ANKRD36C: variants seen among roughly 807,000 people sequenced by gnomAD.
ANKRD36C encodes ankyrin repeat domain 36C.
Under a neutral mutation model 276.4 loss-of-function variants are expected in ANKRD36C, and 61 were observed. That is an observed-to-expected ratio of 0.22 (90% confidence interval 0.18 to 0.27). The LOEUF is 0.27. Ranked by LOEUF, ANKRD36C falls within the 10% of genes least tolerant of loss-of-function variation. The pLI, the probability that ANKRD36C is intolerant of heterozygous loss-of-function variation, is 1.00. For missense variants in ANKRD36C, 1,447 were observed against 2,032.3 expected, an observed-to-expected ratio of 0.71 and a Z score of 5.54; for synonymous variants, 483 against 680.1, an observed-to-expected ratio of 0.71 and a Z score of 4.51.
intron 3 of ANKRD36C, among the ~76,000 whole-genome samples, chr2:95,986,104 T>C (rs2104543647): frequency 6.6e-6 from 1 of 152,286 alleles, no homozygotes; most frequent in Non-Finnish European, 1.5e-5. Flanking sequence ...AAAGTAAGAA[T>C]AATCATCCCC....
At chr2:95,916,158 T>C (rs1377425940) in exon 37 of ANKRD36C, 1 of 1,605,316 alleles carries the variant, frequency 6.2e-7, no homozygotes, top group South Asian at 1.1e-5. Context: ...AGGCTGGTTT[T>C]TTCCGAGAAG....
intron 32 of ANKRD36C, among the ~76,000 whole-genome samples, 181 bp downstream of exon 32, chr2:95,923,314 G>A (rs1289051715): frequency 6.6e-6 from 1 of 151,426 alleles, no homozygotes; most frequent in African/African-American, 2.4e-5. Context: ...ATCTTACCGC[G>A]AAGATCATGT....
At chr2:95,896,493 A>AT (rs1330046272) in intron 44 of ANKRD36C, among the ~76,000 whole-genome samples, 1 of 149,866 alleles carries the variant, frequency 6.7e-6, no homozygotes, top group Non-Finnish European at 1.5e-5. Context: ...TTAAATAGCT[A>AT]TTTTATCCAA....
chr2:95,891,993 G>A, intron 44 of ANKRD36C, 133 bp from the exon 65 acceptor site: 1 of 1,435,734 alleles, frequency 7.0e-7, no homozygotes, highest in South Asian at 1.2e-5. Flanking sequence ...TCTACTTTGT[G>A]TCTGAGGACT....
intron 34 of ANKRD36C, among the ~76,000 whole-genome samples, chr2:95,919,263 A>C (rs1473466288): frequency 1.5e-5 from 2 of 133,678 alleles, no homozygotes; most frequent in African/African-American, 5.1e-5. Context: ...CTGACAATCC[A>C]TCATCCTTGG....
At chr2:95,874,610 T>C (rs1432825357) in intron 59 of ANKRD36C, among the ~76,000 whole-genome samples, 1 of 152,218 alleles carries the variant, frequency 6.6e-6, no homozygotes, top group African/African-American at 2.4e-5. Flanking sequence ...ATTCAGGACA[T>C]AGGCATGGGC....
At position 95,928,257 on chromosome 2, in the gene ANKRD36C, T is replaced by G. The variant is rs139453071; in HGVS notation, c.1837+815A>C. Among the ~76,000 whole-genome samples, 273 of 151,756 alleles carry G rather than the reference T, an allele frequency of 1.8e-3. 3 individuals are homozygous for G. The highest frequency in any genetic ancestry group is 0.017 in the Middle Eastern group (5 of 294). Reference sequence around the variant, plus strand: ...TTCTAAAATAGCCTTGTTGGAAGTATCATGTTAGTCTCTAAGGAAGTTTCA... The same window carrying G: ...TTCTAAAATAGCCTTGTTGGAAGTAGCATGTTAGTCTCTAAGGAAGTTTCA... On this transcript the variant is annotated intron_variant, in intron 26 of 66. Transcript: ENST00000456556.
intron 34 of ANKRD36C, among the ~76,000 whole-genome samples, chr2:95,918,368 T>C (rs570969092): frequency 4.7e-4 from 71 of 151,764 alleles, no homozygotes; most frequent in African/African-American, 1.4e-3. Context: ...AACTCATACA[T>C]GTGAGAATCA....
intron 40 of ANKRD36C, among the ~76,000 whole-genome samples, chr2:95,913,146 T>C (rs1676985378): frequency 6.7e-6 from 1 of 149,626 alleles, no homozygotes; most frequent in African/African-American, 2.5e-5. Flanking sequence ...AATTATCAAC[T>C]TTGACATGCT....
chr2:95,895,887 T>C (rs1676533183), intron 44 of ANKRD36C, among the ~76,000 whole-genome samples: 1 of 150,984 alleles, frequency 6.6e-6, no homozygotes, highest in Admixed American at 6.6e-5. Context: ...AGGACAAATG[T>C]GATCTGAAAA....
rs1182366718 is a variant in ANKRD36C at position 95,851,850 on chromosome 2, T to C, written c.5220-63A>G. On this transcript the variant is annotated intron_variant, in intron 65 of 66. Coordinates refer to ENST00000456556, the Ensembl canonical transcript of ANKRD36C. Reference sequence around the variant, plus strand: ...AATTGTTTTTAAATCATGTAAATTCTAAACAAACTTCTGAAGGTATAATTA... The same window carrying C: ...AATTGTTTTTAAATCATGTAAATTCCAAACAAACTTCTGAAGGTATAATTA... The C allele has an allele frequency of 4.8e-6, 7 of 1,462,348 alleles. No homozygotes were observed. In the African/African-American group the frequency reaches 8.6e-5, roughly 18 times the overall value. The allele number at this position is 1,462,348 out of a possible 1,614,324, so 90.6% of individuals were successfully genotyped here.
chr2:95,887,833 G>C, intron 50 of ANKRD36C, 92 bp downstream of exon 70: 1 of 1,471,742 alleles, frequency 6.8e-7, no homozygotes, highest in South Asian at 1.2e-5. Flanking sequence ...AGAATGTGCA[G>C]TTTTGATGAG....
chr2:95,965,345 G>A (rs537162813), intron 6 of ANKRD36C, among the ~76,000 whole-genome samples: 2 of 152,104 alleles, frequency 1.3e-5, no homozygotes, highest in East Asian at 3.9e-4. Context: ...GATCAACAAA[G>A]GGGTTCTAAA....
rs145477016 is a variant in ANKRD36C at position 95,908,319 on chromosome 2, G to A, written c.2653+3925C>T. ...AATATGGGGAAGTGTATAATCTTACGGCGAAGATCATGTTCCAGACCAGCA... is the reference window on the plus strand; with the variant it reads ...AATATGGGGAAGTGTATAATCTTACAGCGAAGATCATGTTCCAGACCAGCA... On this transcript the variant is annotated intron_variant, in intron 42 of 66. Coordinates refer to ENST00000456556, the Ensembl canonical transcript of ANKRD36C. Among the ~76,000 whole-genome samples, 42 of 150,566 alleles carry A rather than the reference G, an allele frequency of 2.8e-4. 1 individual carries two copies. Among genetic ancestry groups the A allele is most frequent in the South Asian group, 4.2e-4 (2 of 4,730 alleles).
chr2:95,940,023 T>C (rs1677830698), intron 20 of ANKRD36C, among the ~76,000 whole-genome samples: 1 of 152,308 alleles, frequency 6.6e-6, no homozygotes, highest in Admixed American at 6.5e-5. Flanking sequence ...ATCAACTTTC[T>C]TTTTTTTATT....
exon 62 of ANKRD36C, chr2:95,857,447 C>A (rs1300746146): frequency 1.9e-6 from 3 of 1,585,444 alleles, no homozygotes; most frequent in African/African-American, 1.3e-5. Context: ...TTTGGTGCAA[C>A]TCTTCAACAT....
chr2:95,884,104 T>C, intron 54 of ANKRD36C, 69 bp downstream of exon 74: 1 of 1,505,394 alleles, frequency 6.6e-7, no homozygotes, highest in Non-Finnish European at 9.1e-7. Flanking sequence ...CCTCCGTTGA[T>C]TTATTTGGGA....
At chr2:95,912,166 GC>G in intron 42 of ANKRD36C, 77 bp downstream of exon 44, 2 of 1,519,694 alleles carry the variant, frequency 1.3e-6, no homozygotes. Flanking sequence ...GCTTCGACCA[GC>G]CCCCCACTGA....
chr2:95,885,981 T>G (rs1676192227), intron 52 of ANKRD36C, 67 bp downstream of exon 72: 11 of 1,563,956 alleles, frequency 7.0e-6, no homozygotes, highest in Non-Finnish European at 9.5e-6. Flanking sequence ...CCCCGCTGAT[T>G]TATTTGGGGA....
Sources: allele counts gnomAD v4.1 joint callset (sites outside exome capture counted in the v4.1 genomes callset), GRCh38; gene constraint gnomAD v4.1.1; transcripts MANE v1.5; gene names NCBI Gene and HGNC (gene_info 2026-07-23, HGNC 2026-07-21).